SCFD1: variants seen among roughly 807,000 people sequenced by gnomAD.
The protein encoded by SCFD1 is sec1 family domain-containing protein 1.
A neutral mutation model predicts 103.2 loss-of-function variants in SCFD1; 37 were observed. That is an observed-to-expected ratio of 0.36 (90% CI 0.28 to 0.47). SCFD1 has a LOEUF of 0.47. SCFD1 is among the 20% of genes least tolerant of loss of function. The probability of loss-of-function intolerance (pLI) is 1.00; values close to 1 mark genes in which losing one functional copy is unlikely to be tolerated. For missense variants in SCFD1, 639 were observed against 761.2 expected (o/e 0.84, Z 1.89); for synonymous variants, 264 against 245.0 (o/e 1.08, Z -0.73).
chr14:30,683,237 A>C, intron 14 of SCFD1: 1 of 1,096,496 alleles, frequency 9.1e-7, no homozygotes, highest in Non-Finnish European at 1.3e-6. Flanking sequence ...AGGGCAGACC[A>C]CTTGTCCTTC....
Position 30,627,638 on chromosome 14 carries a change from C to T in SCFD1, c.62-571C>T, listed in dbSNP as rs764682699. The stretch of plus-strand genomic sequence containing the variant: ...GCGCATGCCTGTAATCCCAGCTACT[C>T]GGGAGGCTGAAGCAGAACTGCTTGA... On this transcript the variant is annotated intron_variant, in intron 1 of 24. Coordinates refer to ENST00000458591, the MANE Select transcript of SCFD1 (RefSeq NM_016106.4). Among the ~76,000 whole-genome samples the T allele has an allele frequency of 9.2e-4, 138 of 150,494 alleles. 1 individual carries two copies. The Middle Eastern group carries it at 0.01, about 11-fold the overall frequency.
chr14:30,682,296 G>A (rs903390824), intron 14 of SCFD1, among the ~76,000 whole-genome samples: 1 of 152,166 alleles, frequency 6.6e-6, no homozygotes, highest in African/African-American at 2.4e-5. Context: ...AATGAATTTT[G>A]TTCAAGATTC....
chr14:30,663,538 A>G (rs926091677), intron 10 of SCFD1, among the ~76,000 whole-genome samples: 2 of 152,178 alleles, frequency 1.3e-5, no homozygotes, highest in African/African-American at 4.8e-5. Flanking sequence ...CTATGATAAT[A>G]TGAGGGGTCT....
intron 20 of SCFD1, among the ~76,000 whole-genome samples, chr14:30,717,363 G>A (rs1892349823): frequency 6.6e-6 from 1 of 152,110 alleles, no homozygotes; most frequent in South Asian, 2.1e-4. Context: ...TGTAGTCCCA[G>A]CTATTCAGGA....
chr14:30,723,126 T>A (rs934068871), intron 23 of SCFD1, among the ~76,000 whole-genome samples: 4 of 152,222 alleles, frequency 2.6e-5, no homozygotes, highest in African/African-American at 9.6e-5. Context: ...ATTTTTAGGA[T>A]GTCATTTTGT....
At chr14:30,733,547 AC>A (rs1361036517) in intron 23 of SCFD1, among the ~76,000 whole-genome samples, 1 of 152,148 alleles carries the variant, frequency 6.6e-6, no homozygotes. Flanking sequence ...GGGCTACTGT[AC>A]CCCTGTGCTT....
chr14:30,691,418 T>C (rs561589731), intron 14 of SCFD1, among the ~76,000 whole-genome samples: 1 of 152,324 alleles, frequency 6.6e-6, no homozygotes, highest in African/African-American at 2.4e-5. Flanking sequence ...TGAGGCTCTC[T>C]CTTTAAAAAC....
chr14:30,628,297 TG>T lies in SCFD1; in HGVS notation c.132+21del. 6.5e-7 allele frequency: 1 copy of T among 1,539,196 alleles called. No homozygotes were observed. Among genetic ancestry groups the T allele is most frequent in the East Asian group, 2.3e-5 (1 of 44,402 alleles). On this transcript the variant is annotated intron_variant, in intron 2 of 24. Coordinates refer to ENST00000458591, the MANE Select transcript of SCFD1 (RefSeq NM_016106.4). Reference sequence around the variant, plus strand: ...TATGGAAGGTAAGAGTTTATCTTAATGGGAACTGATTTCTGTTTTTCTCAGC... The same window carrying T: ...TATGGAAGGTAAGAGTTTATCTTAATGGAACTGATTTCTGTTTTTCTCAGC...
intron 14 of SCFD1, among the ~76,000 whole-genome samples, chr14:30,679,228 A>ATTT (rs34426823): frequency 7.0e-6 from 1 of 143,334 alleles, no homozygotes; most frequent in South Asian, 2.2e-4. Flanking sequence ...TCATGATTGG[A>ATTT]TTTTTTTTTT....
intron 13 of SCFD1, among the ~76,000 whole-genome samples, 191 bp from the exon 14 acceptor site, chr14:30,674,793 A>C (rs1241291416): frequency 6.6e-6 from 1 of 152,224 alleles, no homozygotes; most frequent in Non-Finnish European, 1.5e-5. Context: ...TTTTAAAATA[A>C]GCATTTCACC....
intron 1 of SCFD1, among the ~76,000 whole-genome samples, chr14:30,627,745 G>GAAAAAAAA (rs11312585): frequency 3.8e-4 from 30 of 79,460 alleles, no homozygotes; most frequent in Non-Finnish European, 5.1e-4. Context: ...CTCTGTCTCA[G>GAAAAAAAA]AAAAAAAAAA....
chr14:30,623,021 A>G (rs28737380), intron 1 of SCFD1, among the ~76,000 whole-genome samples: 1,952 of 152,324 alleles, frequency 0.013, 48 homozygotes, highest in African/African-American at 0.045. Flanking sequence ...ATGTTTATAT[A>G]GCTTCTATTT....
rs765413168 is a variant in SCFD1, at chr14:30,630,429, A to G, written c.133-48A>G. Reference sequence around the variant, plus strand: ...TTCAACATTGTCTTAATATAGGTTCACTATTGGTTGTTCACTGATAATGAT... The same window carrying G: ...TTCAACATTGTCTTAATATAGGTTCGCTATTGGTTGTTCACTGATAATGAT... On this transcript the variant is annotated intron_variant, in intron 2 of 24. Transcript: ENST00000458591. 8.8e-6 allele frequency: 9 copies of G among 1,017,732 alleles called. No individual in the cohort carries two copies. The East Asian group carries it at 1.7e-4, about 19-fold the overall frequency. 63.0% of individuals were successfully genotyped at this position (1,017,732 alleles called of 1,614,324 possible). A position where few individuals can be genotyped will look rare whatever the true frequency, so the allele number is the denominator to read the frequency against.
chr14:30,728,326 T>A (rs371698597), intron 23 of SCFD1, among the ~76,000 whole-genome samples: 1 of 152,238 alleles, frequency 6.6e-6, no homozygotes, highest in South Asian at 2.1e-4. Flanking sequence ...CTGTGGTAGA[T>A]AATGGTTGTT....
intron 1 of SCFD1, among the ~76,000 whole-genome samples, chr14:30,624,271 A>G (rs1883157477): frequency 6.6e-6 from 1 of 152,148 alleles, no homozygotes; most frequent in African/African-American, 2.4e-5. Flanking sequence ...CGTCTTCGTT[A>G]CAGGTTCTTG....
chr14:30,683,161 G>A (rs1889628741), intron 14 of SCFD1: 1 of 1,105,822 alleles, frequency 9.0e-7, no homozygotes, highest in South Asian at 1.3e-5. Context: ...TCAATGTTGG[G>A]TTCTCCTAGT....
chr14:30,721,129 GCTT>G (rs1892621383), intron 21 of SCFD1, among the ~76,000 whole-genome samples: 2 of 152,082 alleles, frequency 1.3e-5, no homozygotes, highest in South Asian at 4.1e-4. Context: ...TGGACTTGTA[GCTT>G]CTTCTGTGGA....
chr14:30,668,978 T>G (rs1246086383), intron 10 of SCFD1, among the ~76,000 whole-genome samples: 2 of 152,182 alleles, frequency 1.3e-5, no homozygotes, highest in African/African-American at 4.8e-5. Flanking sequence ...TCAACCATTG[T>G]GGAAGACAGT....
At chr14:30,706,146 C>T (rs2139358131) in intron 18 of SCFD1, among the ~76,000 whole-genome samples, 1 of 152,184 alleles carries the variant, frequency 6.6e-6, no homozygotes, top group African/African-American at 2.4e-5. Context: ...GAGTAATTAG[C>T]ATATCACCTC....
Sources: allele counts gnomAD v4.1 joint callset (sites outside exome capture counted in the v4.1 genomes callset), GRCh38; gene constraint gnomAD v4.1.1; transcripts MANE v1.5; gene names NCBI Gene and HGNC (gene_info 2026-07-23, HGNC 2026-07-21).